Variants in KRT25 observed in about 807,000 individuals in gnomAD.
The protein encoded by KRT25 is keratin, type I cytoskeletal 25.
KRT25 carries 37 observed loss-of-function variants against 47.6 expected under a neutral mutation model. The ratio of observed to expected loss-of-function variants is 0.78; its 90% CI spans 0.60 to 1.02. The LOEUF is 1.02. KRT25 is among the 50% of genes least tolerant of loss of function. The probability of loss-of-function intolerance (pLI) is 0.00; values close to 1 mark genes in which losing one functional copy is unlikely to be tolerated. For synonymous variants in KRT25, 203 were observed against 210.2 expected (o/e 0.97, Z 0.30); for missense variants, 542 against 550.3 (o/e 0.98, Z 0.15).
chr17:40,751,290 C>T lies in KRT25; in HGVS notation c.706G>A (p.Val236Met). 6.2e-7 allele frequency: 1 copy of T among 1,613,818 alleles called. No homozygotes were observed. The highest frequency in any genetic ancestry group is 8.5e-7 in the Non-Finnish European group (1 of 1,179,866). ...QVLQCAAGGN[V>M]NVEMNAAPGV... Reference sequence around the variant, plus strand: ...GGGGCTGCGTTCATCTCCACGTTCACGTTGCCTCCAGCTGCGCACTGCAGA... The same window carrying T: ...GGGGCTGCGTTCATCTCCACGTTCATGTTGCCTCCAGCTGCGCACTGCAGA... Residue 236 changes from valine (V) to methionine (M), a missense_variant, in exon 4 of 8, where the codon GTG (valine) becomes ATG (methionine). Transcript: ENST00000312150.
intron 7 of KRT25, 62 bp from the exon 8 acceptor site, chr17:40,748,448 T>A (rs930953289): frequency 2.8e-6 from 3 of 1,061,642 alleles, no homozygotes; most frequent in African/African-American, 3.3e-5. Flanking sequence ...AATTATATCA[T>A]TTAAAGGAAT....
At position 40,755,015 on chromosome 17, in the gene KRT25, A is replaced by G; in HGVS notation, c.257T>C (p.Leu86Pro). ...SGNEKVTMQN[L>P]NDRLASYLDS... ...CAGGTAGGATGCCAGGCGGTCATTG[A>G]GGTTCTGCATGGTCACCTTCTCATT... Residue 86 changes from leucine (L) to proline (P), a missense_variant, in exon 1 of 8, where the codon CTC (leucine) becomes CCC (proline). Physicochemically the swap from Leu to Pro is moderately conservative, Grantham distance 98. Coordinates refer to ENST00000312150, the MANE Select transcript of KRT25 (RefSeq NM_181534.4). The G allele has an allele frequency of 6.2e-7, 1 of 1,614,148 alleles. No homozygotes were observed. The highest frequency in any genetic ancestry group is 8.5e-7 in the Non-Finnish European group (1 of 1,180,030).
At chr17:40,749,108 C>T (rs1192667766) in intron 7 of KRT25, 150 bp downstream of exon 7, 3 of 636,376 alleles carry the variant, frequency 4.7e-6, no homozygotes, top group Non-Finnish European at 8.3e-6. Context: ...GGGTACCGGG[C>T]TTAATTCCTG....
chr17:40,749,177 C>A (rs894626954), intron 7 of KRT25, 81 bp downstream of exon 7: 8 of 1,053,244 alleles, frequency 7.6e-6, no homozygotes, highest in African/African-American at 1.6e-5. Context: ...ATGTAACAAA[C>A]CTTCCAATGT....
At position 40,750,512 on chromosome 17, in the gene KRT25, A is replaced by G. The variant is rs1157464264; in HGVS notation, c.1043T>C (p.Leu348Pro). 2 of 1,614,150 alleles carry G rather than the reference A, an allele frequency of 1.2e-6. No individual in the cohort carries two copies. Among genetic ancestry groups the G allele is most frequent in the Admixed American group, 1.7e-5 (1 of 60,020 alleles). The part of the protein sequence containing the change: ...LAQIQAQIGA[L>P]EEQLHQVRTE... ...TCTGACCTGGTGCAGCTGCTCCTCC[A>G]GGGCCCCGATCTGAGCCTGGATCTG... is the stretch of plus-strand genomic sequence containing the variant. Residue 348 changes from leucine (L) to proline (P), a missense_variant, in exon 6 of 8, where the codon CTG becomes CCG. By Grantham distance (98) the Leu-to-Pro change is moderately conservative. Transcript: ENST00000312150.
At chr17:40,750,634 T>G (rs758129489) in intron 5 of KRT25, 37 bp from the exon 6 acceptor site, 13 of 1,607,200 alleles carry the variant, frequency 8.1e-6, no homozygotes, top group African/African-American at 1.3e-5. Context: ...GAAATGGATA[T>G]GCAGATATGC....
intron 5 of KRT25, 144 bp downstream of exon 5, chr17:40,750,810 A>T: frequency 8.2e-7 from 1 of 1,224,782 alleles, no homozygotes; most frequent in South Asian, 1.5e-5. Flanking sequence ...TTTAGGTGTC[A>T]GCTATACAAT....
chr17:40,749,428 C>G, intron 6 of KRT25, 103 bp from the exon 7 acceptor site: 1 of 848,320 alleles, frequency 1.2e-6, no homozygotes, highest in South Asian at 1.5e-5. Context: ...ACTGTGTAAC[C>G]CAGTATTTGA....
chr17:40,753,895 C>G lies in KRT25; in HGVS notation c.634G>C (p.Glu212Gln). Residue 212 changes from glutamate to glutamine, a missense_variant, in exon 3 of 8, where the codon GAG (glutamate) becomes CAG (glutamine). Physicochemically the swap from Glu to Gln is conservative, Grantham distance 29 (BLOSUM62 2). Transcript: ENST00000312150. ...DLEIQYETLS[E>Q]EMTYLKKNHK... Reference sequence around the variant, plus strand: ...TTCTTTTTGAGGTAAGTCATCTCCTCACTCAGGGTTTCATACTGAATCTCC... The same window carrying G: ...TTCTTTTTGAGGTAAGTCATCTCCTGACTCAGGGTTTCATACTGAATCTCC... The G allele has an allele frequency of 6.2e-7, 1 of 1,614,000 alleles. No homozygotes were observed. Among genetic ancestry groups the G allele is most frequent in the Non-Finnish European group, 8.5e-7 (1 of 1,179,974 alleles).
chr17:40,751,429 C>T, intron 3 of KRT25, 103 bp from the exon 4 acceptor site: 2 of 1,317,726 alleles, frequency 1.5e-6, no homozygotes, highest in Non-Finnish European at 2.0e-6. Context: ...TTTTCCCCTC[C>T]CAGGCTGTGC....
Position 40,748,322 on chromosome 17 carries a change from A to T in KRT25, c.1308T>A (p.Leu436=). 1 of 1,613,000 alleles carries T rather than the reference A, an allele frequency of 6.2e-7. No individual in the cohort carries two copies. The highest frequency in any genetic ancestry group is 8.5e-7 in the Non-Finnish European group (1 of 1,179,474). Residue 436 remains leucine (L), a synonymous_variant, in exon 8 of 8, where the codon CTT becomes CTA. Transcript: ENST00000312150. ...LEEVDQRSKI[L]TTRLHSLEEK... is the part of the protein sequence containing the mutation. ...CTTCCAGGGAGTGGAGCCTGGTGGT[A>T]AGTATTTTGCTGCGTTGGTCTACCT...
Position 40,753,993 on chromosome 17 carries a change from T to G in KRT25, c.536A>C (p.His179Pro), listed in dbSNP as rs769470913. ...RLKYENELALHQSVEADVNGL... is the reference protein window; with the variant it reads ...RLKYENELALPQSVEADVNGL... ...ATTGACATCAGCCTCTACACTCTGG[T>G]GAAGAGCCAGCTCATTTTCATACCT... Residue 179 changes from histidine (H) to proline (P), a missense_variant, in exon 3 of 8, where the codon CAC becomes CCC. His to Pro is a moderately conservative substitution (Grantham distance 77, BLOSUM62 -2). Transcript: ENST00000312150. The G allele has an allele frequency of 1.2e-6, 2 of 1,614,110 alleles. No homozygotes were observed. Among genetic ancestry groups the G allele is most frequent in the Non-Finnish European group, 1.7e-6 (2 of 1,180,004 alleles).
Position 40,754,918 on chromosome 17 carries a change from A to C in KRT25, c.354T>G (p.Phe118Leu). 1.2e-6 allele frequency: 2 copies of C among 1,614,174 alleles called. No homozygotes were observed. Among genetic ancestry groups the C allele is most frequent in the Non-Finnish European group, 1.7e-6 (2 of 1,180,032 alleles). Reference protein sequence around the residue: ...EQKIKGWYEKFGPGSCRGLDH... With the variant: ...EQKIKGWYEKLGPGSCRGLDH... Reference sequence around the variant, plus strand: ...CAAGACCACGGCAAGAGCCAGGCCCAAATTTCTCATACCAGCCCTTGATCT... The same window carrying C: ...CAAGACCACGGCAAGAGCCAGGCCCCAATTTCTCATACCAGCCCTTGATCT... Residue 118 changes from phenylalanine to leucine, a missense_variant, in exon 1 of 8, where the codon TTT becomes TTG. Physicochemically the swap from Phe to Leu is conservative, Grantham distance 22 (BLOSUM62 0). Transcript: ENST00000312150.
At chr17:40,753,631 C>G (rs990304869) in intron 3 of KRT25, among the ~76,000 whole-genome samples, 1 of 126,530 alleles carries the variant, frequency 7.9e-6, no homozygotes, top group Non-Finnish European at 1.6e-5. Flanking sequence ...TTGCAGTGAG[C>G]CAAGATCGCA....
chr17:40,754,849 T>C lies in KRT25; in HGVS notation c.423A>G (p.Lys141=), dbSNP rs747939048. ...GTGCAGTATGATTTCTTACCTGATTTTTAAGGTCATCAATTATTGGGAAAT... is the reference window on the plus strand; with the variant it reads ...GTGCAGTATGATTTCTTACCTGATTCTTAAGGTCATCAATTATTGGGAAAT... The part of the protein sequence containing the change: ...SRYFPIIDDL[K]NQIIASTTSN... Residue 141 remains lysine (K), a synonymous_variant, in exon 1 of 8, where the codon AAA becomes AAG. Coordinates refer to ENST00000312150, the MANE Select transcript of KRT25 (RefSeq NM_181534.4). 3.7e-6 allele frequency: 6 copies of C among 1,609,580 alleles called. No individual in the cohort carries two copies. The Admixed American group carries it at 1.0e-4, about 27-fold the overall frequency.
chr17:40,750,874 G>A, intron 5 of KRT25, 80 bp downstream of exon 5: 1 of 1,504,156 alleles, frequency 6.6e-7, no homozygotes. Context: ...TTTCAATATT[G>A]TTAAGGTTTT....
At chr17:40,751,939 C>G (rs1208423848) in intron 3 of KRT25, among the ~76,000 whole-genome samples, 1 of 151,420 alleles carries the variant, frequency 6.6e-6, no homozygotes, top group African/African-American at 2.4e-5. Flanking sequence ...ACATCATCCC[C>G]TAAAGAATCC....
chr17:40,749,766 T>C (rs2038029091), intron 6 of KRT25, among the ~76,000 whole-genome samples: 1 of 124,024 alleles, frequency 8.1e-6, no homozygotes, highest in African/African-American at 3.1e-5. Context: ...CTTCAGCAGT[T>C]AGGCAATTAC....
chr17:40,751,935 T>C (rs1234920760), intron 3 of KRT25, among the ~76,000 whole-genome samples: 1 of 150,508 alleles, frequency 6.6e-6, no homozygotes, highest in Non-Finnish European at 1.5e-5. Flanking sequence ...AAGAACATCA[T>C]CCCCTAAAGA....
Sources: gnomAD v4.1 joint callset for allele counts (sites outside exome capture counted in the v4.1 genomes callset) on GRCh38, gnomAD v4.1.1 for gene constraint, MANE v1.5 for transcripts, NCBI Gene and HGNC (gene_info 2026-07-23, HGNC 2026-07-21) for gene names.